The following OR5M1 variants were observed in gnomAD, a reference collection of about 807,000 sequenced individuals.
The protein encoded by OR5M1 is olfactory receptor family 5 subfamily M member 1.
For missense variants in OR5M1, 367 were observed against 379.5 expected (o/e 0.97, Z 0.27); for synonymous variants, 165 against 144.2 (o/e 1.14, Z -1.04).
At chr11:56,613,620 ATTAC>A in intron 1 of OR5M1, 101 bp from the exon 2 acceptor site, 1 of 903,964 alleles carries the variant, frequency 1.1e-6, no homozygotes, top group Non-Finnish European at 1.7e-6. Flanking sequence ...CTAGGTGACA[ATTAC>A]TTCTCTTGTT....
chr11:56,613,352 T>C lies in OR5M1; in HGVS notation c.151A>G (p.Thr51Ala), dbSNP rs1565024042. The change falls in exon 2 of 2, where the codon ACC becomes GCC. Residue 51 changes from threonine to alanine, a missense_variant. Transcript: ENST00000641076. ...ATGGGTGTTTGCAGGTGGGAATTGG[T>C]CCTGATCAGCAGGATCATGCACAGG... The part of the protein sequence containing the change: ...GNLCMILLIR[T>A]NSHLQTPMYF... 1 of 1,613,568 alleles carries C rather than the reference T, an allele frequency of 6.2e-7. No homozygotes were observed. The highest frequency in any genetic ancestry group is 8.5e-7 in the Non-Finnish European group (1 of 1,179,680).
chr11:56,612,624 C>T lies in OR5M1; in HGVS notation c.879G>A (p.Arg293=). ...PMLNPLIYSL[R]NTDVILAMQQ... ...GCATGGCAAGGATTACATCTGTGTT[C>T]CGTAGGCTATAGATCAATGGGTTCA... Residue 293 remains arginine, a synonymous_variant, in exon 2 of 2, where the codon CGG becomes CGA. Coordinates refer to ENST00000641076, the MANE Select transcript of OR5M1 (RefSeq NM_001004740.2). The T allele has an allele frequency of 6.2e-7, 1 of 1,612,800 alleles. No individual in the cohort carries two copies. Among genetic ancestry groups the T allele is most frequent in the Non-Finnish European group, 8.5e-7 (1 of 1,179,510 alleles).
At position 56,609,837 on chromosome 11, in the gene OR5M1, A is replaced by G. The variant is rs1030669221; in HGVS notation, c.*2718T>C. The G allele has an allele frequency of 4.6e-5, 7 of 151,986 alleles. No homozygotes were observed. Among genetic ancestry groups the G allele is most frequent in the East Asian group, 1.9e-4 (1 of 5,192 alleles). The allele number at this position is 151,986 out of a possible 1,614,324, so 9.4% of individuals were successfully genotyped here. On this transcript the variant is annotated 3_prime_UTR_variant, in exon 2 of 2. Transcript: ENST00000641076. ...TTGCTTCTATGTCTTATGTATGTCA[A>G]TATGGTTCAGTCAGTTTTCTACAAT...
chr11:56,613,229 T>C lies in OR5M1; in HGVS notation c.274A>G (p.Ile92Val), dbSNP rs375930445. 4 of 1,613,572 alleles carry C rather than the reference T, an allele frequency of 2.5e-6. No individual in the cohort carries two copies. The highest frequency in any genetic ancestry group is 1.3e-5 in the African/African-American group (1 of 74,906). Residue 92 changes from isoleucine to valine, a missense_variant, in exon 2 of 2, where the codon ATC becomes GTC. Coordinates refer to ENST00000641076, the MANE Select transcript of OR5M1 (RefSeq NM_001004740.2). ...LHNFLSEQKT[I>V]SYAGCFTQCL... ...TGTGTGAAGCATCCAGCGTAGGAGA[T>C]GGTCTTCTGTTCTGAGAGGAAATTG...
In OR5M1 at chr11:56,609,266, T is replaced by C. The variant is rs1185601730; in HGVS notation, c.*3289A>G. On this transcript the variant is annotated 3_prime_UTR_variant, in exon 2 of 2. Coordinates refer to ENST00000641076, the MANE Select transcript of OR5M1 (RefSeq NM_001004740.2). ...AATTTTAGGATGAGGAAAACTTACA[T>C]AACAGCAATAAGCAAAAGGTCACAT... is the stretch of plus-strand genomic sequence containing the variant. 6.6e-6 allele frequency: 1 copy of C among 151,924 alleles called. No homozygotes were observed. The highest frequency in any genetic ancestry group is 1.9e-4 in the East Asian group (1 of 5,200). 9.4% of individuals were successfully genotyped at this position (151,924 alleles called of 1,614,324 possible).
Position 56,613,162 on chromosome 11 carries a change from A to T in OR5M1, c.341T>A (p.Ile114Asn), listed in dbSNP as rs776740140. The T allele has an allele frequency of 1.9e-6, 3 of 1,613,776 alleles. No homozygotes were observed. Among genetic ancestry groups the T allele is most frequent in the Non-Finnish European group, 2.5e-6 (3 of 1,179,836 alleles). Residue 114 changes from isoleucine to asparagine, a missense_variant, in exon 2 of 2, where the codon ATC becomes AAC. Physicochemically the swap from Ile to Asn is moderately radical, Grantham distance 149. Transcript: ENST00000641076. ...FIALVITEFY[I>N]LASMALDRYV... ...GCGATCCAATGCCATTGAAGCAAGG[A>T]TGTAAAACTCAGTGATCACCAGGGC...
In OR5M1 at chr11:56,612,653, T is replaced by C. The variant is rs762559590; in HGVS notation, c.850A>G (p.Met284Val). ...AGGCTATAGATCAATGGGTTCAGCA[T>C]TGGGCTCAAAAAAGTATAAAAGACT... The part of the protein sequence containing the change: ...TAVFYTFLSP[M>V]LNPLIYSLRN... Residue 284 changes from methionine (M) to valine (V), a missense_variant, in exon 2 of 2, where the codon ATG becomes GTG. By Grantham distance (21) the Met-to-Val change is conservative. Transcript: ENST00000641076. 4 of 1,613,780 alleles carry C rather than the reference T, an allele frequency of 2.5e-6. No homozygotes were observed. The highest frequency in any genetic ancestry group is 4.5e-5 in the East Asian group (2 of 44,870).
At position 56,612,478 on chromosome 11, in the gene OR5M1, G is replaced by A. The variant is rs936148423; in HGVS notation, c.*77C>T. On this transcript the variant is annotated 3_prime_UTR_variant, in exon 2 of 2. Coordinates refer to ENST00000641076, the MANE Select transcript of OR5M1 (RefSeq NM_001004740.2). ...CAGTCCATGATGTTAAATAAATCAC[G>A]ACTACACTAGGTTTTTCCATTTCAA... The A allele has an allele frequency of 8.6e-6, 9 of 1,050,284 alleles. No homozygotes were observed. The highest frequency in any genetic ancestry group is 4.7e-5 in the Admixed American group (2 of 42,534). The allele number at this position is 1,050,284 out of a possible 1,614,324, so 65.1% of individuals were successfully genotyped here. A position where few individuals can be genotyped will look rare whatever the true frequency, so the allele number is the denominator to read the frequency against.
chr11:56,613,490 T>C lies in OR5M1; in HGVS notation c.13A>G (p.Asn5Asp). The stretch of plus-strand genomic sequence containing the variant: ...ATGAATTCTGTCACTATGGTGTGGT[T>C]TGGGGAGAACATCTTCTTATCTCTT... MFSP[N>D]HTIVTEFILL... Residue 5 changes from asparagine (N) to aspartate (D), a missense_variant, in exon 2 of 2, where the codon AAC (asparagine) becomes GAC (aspartate). Physicochemically the swap from Asn to Asp is conservative, Grantham distance 23. Coordinates refer to ENST00000641076, the MANE Select transcript of OR5M1 (RefSeq NM_001004740.2). 2 of 1,612,704 alleles carry C rather than the reference T, an allele frequency of 1.2e-6. No homozygotes were observed. Among genetic ancestry groups the C allele is most frequent in the Non-Finnish European group, 1.7e-6 (2 of 1,178,860 alleles).
Position 56,610,533 on chromosome 11 carries a change from T to A in OR5M1, c.*2022A>T, listed in dbSNP as rs573444119. 4.2e-4 allele frequency: 64 copies of A among 152,194 alleles called. No individual in the cohort carries two copies. Among genetic ancestry groups the A allele is most frequent in the African/African-American group, 1.4e-3 (59 of 41,550 alleles). The allele number at this position is 152,194 out of a possible 1,614,324, so 9.4% of individuals were successfully genotyped here. A position where few individuals can be genotyped will look rare whatever the true frequency, so the allele number is the denominator to read the frequency against. Reference sequence around the variant, plus strand: ...AGAAACCTGCTTTTGTCCTACTGAGTGGCCAAATGACTTTGGGCAAGAAAT... The same window carrying A: ...AGAAACCTGCTTTTGTCCTACTGAGAGGCCAAATGACTTTGGGCAAGAAAT... On this transcript the variant is annotated 3_prime_UTR_variant, in exon 2 of 2. Coordinates refer to ENST00000641076, the MANE Select transcript of OR5M1 (RefSeq NM_001004740.2).
In OR5M1 at chr11:56,613,022, G is replaced by A; in HGVS notation, c.481C>T (p.Leu161=). ...YGFLSGFSQS[L]LTFHLSFCGS... ...CAGAAGGATAAGTGAAAGGTTAGCAGTGACTGAGAGAACCCACTAAGAAAC... is the reference window on the plus strand; with the variant it reads ...CAGAAGGATAAGTGAAAGGTTAGCAATGACTGAGAGAACCCACTAAGAAAC... The change falls in exon 2 of 2, where the codon CTG becomes TTG. Residue 161 remains leucine, a synonymous_variant. Coordinates refer to ENST00000641076, the MANE Select transcript of OR5M1 (RefSeq NM_001004740.2). 2 of 1,613,852 alleles carry A rather than the reference G, an allele frequency of 1.2e-6. No individual in the cohort carries two copies. Among genetic ancestry groups the A allele is most frequent in the Non-Finnish European group, 1.7e-6 (2 of 1,179,834 alleles).
chr11:56,613,592 G>C (rs532664161), intron 1 of OR5M1, 73 bp from the exon 2 acceptor site: 3 of 1,188,422 alleles, frequency 2.5e-6, no homozygotes, highest in African/African-American at 3.0e-5. Flanking sequence ...TTTATCATTC[G>C]CTCATTCATC....
In OR5M1 at chr11:56,613,014, G is replaced by A. The variant is rs775689882; in HGVS notation, c.489C>T (p.Thr163=). Residue 163 remains threonine (T), a synonymous_variant, in exon 2 of 2, where the codon ACC becomes ACT. Coordinates refer to ENST00000641076, the MANE Select transcript of OR5M1 (RefSeq NM_001004740.2). The part of the protein sequence containing the change: ...FLSGFSQSLL[T]FHLSFCGSLE... ...GGGAGCCACAGAAGGATAAGTGAAA[G>A]GTTAGCAGTGACTGAGAGAACCCAC... is the stretch of plus-strand genomic sequence containing the variant. 1.9e-6 allele frequency: 3 copies of A among 1,613,756 alleles called. No individual in the cohort carries two copies. Among genetic ancestry groups the A allele is most frequent in the African/African-American group, 2.7e-5 (2 of 74,906 alleles).
In OR5M1 at chr11:56,612,775, G is replaced by A; in HGVS notation, c.728C>T (p.Ser243Phe). 5 of 1,613,674 alleles carry A rather than the reference G, an allele frequency of 3.1e-6. No homozygotes were observed. Among genetic ancestry groups the A allele is most frequent in the South Asian group, 1.1e-5 (1 of 91,070 alleles). Residue 243 changes from serine (S) to phenylalanine (F), a missense_variant, in exon 2 of 2, where the codon TCC (serine) becomes TTC (phenylalanine). Physicochemically the swap from Ser to Phe is radical, Grantham distance 155. Coordinates refer to ENST00000641076, the MANE Select transcript of OR5M1 (RefSeq NM_001004740.2). ...GRHKAFSTCA[S>F]HLTIVTLFYG... ...AAACAAAGTGACTATTGTCAGGTGG[G>A]AAGCACACGTAGAAAAGGCTTTGTG...
In OR5M1 at chr11:56,613,522, G is replaced by A; in HGVS notation, c.-17-3C>T. ...GAACATCTTCTTATCTCTTGAAACT[G>A]AAAGTGACAAAGAATGTGAGGATTT... is the stretch of plus-strand genomic sequence containing the variant. On this transcript the variant is annotated splice_polypyrimidine_tract_variant and splice_region_variant and intron_variant, in intron 1 of 1. Coordinates refer to ENST00000641076, the MANE Select transcript of OR5M1 (RefSeq NM_001004740.2). 6.3e-7 allele frequency: 1 copy of A among 1,593,458 alleles called. No homozygotes were observed. The highest frequency in any genetic ancestry group is 8.6e-7 in the Non-Finnish European group (1 of 1,163,594).
Position 56,613,368 on chromosome 11 carries a change from C to T in OR5M1, c.135G>A (p.Met45Ile). The T allele has an allele frequency of 1.2e-6, 2 of 1,613,688 alleles. No individual in the cohort carries two copies. The highest frequency in any genetic ancestry group is 2.2e-5 in the East Asian group (1 of 44,876). The change falls in exon 2 of 2, where the codon ATG becomes ATA. Residue 45 changes from methionine (M) to isoleucine (I), a missense_variant. Transcript: ENST00000641076. Reference protein sequence around the residue: ...YLITLAGNLCMILLIRTNSHL... With the variant: ...YLITLAGNLCIILLIRTNSHL... ...GGGAATTGGTCCTGATCAGCAGGATCATGCACAGGTTGCCTGCCAGTGTGA... is the reference window on the plus strand; with the variant it reads ...GGGAATTGGTCCTGATCAGCAGGATTATGCACAGGTTGCCTGCCAGTGTGA...
rs1853672037 is a variant in OR5M1, at chr11:56,611,121, A to C, written c.*1434T>G. On this transcript the variant is annotated 3_prime_UTR_variant, in exon 2 of 2. Transcript: ENST00000641076. Reference sequence around the variant, plus strand: ...GATGCTGGCCCTCAAAAAGGAAGTGAGGACTCTGTGTCACTCAATTCCCAG... The same window carrying C: ...GATGCTGGCCCTCAAAAAGGAAGTGCGGACTCTGTGTCACTCAATTCCCAG... 2 of 146,562 alleles carry C rather than the reference A, an allele frequency of 1.4e-5. No individual in the cohort carries two copies. The highest frequency in any genetic ancestry group is 4.9e-5 in the African/African-American group (2 of 41,124). The allele number at this position is 146,562 out of a possible 1,614,324, so 9.1% of individuals were successfully genotyped here.
Position 56,613,069 on chromosome 11 carries a change from A to G in OR5M1, c.434T>C (p.Val145Ala), listed in dbSNP as rs2134959381. 1 of 1,608,240 alleles carries G rather than the reference A, an allele frequency of 6.2e-7. No homozygotes were observed. Among genetic ancestry groups the G allele is most frequent in the Admixed American group, 1.7e-5 (1 of 59,494 alleles). The change falls in exon 2 of 2, where the codon GTC becomes GCC. Residue 145 changes from valine to alanine, a missense_variant. Physicochemically the swap from Val to Ala is moderately conservative, Grantham distance 64 (BLOSUM62 0). Coordinates refer to ENST00000641076, the MANE Select transcript of OR5M1 (RefSeq NM_001004740.2). Reference protein sequence around the residue: ...RMSKNICVCLVTIPYMYGFLS... With the variant: ...RMSKNICVCLATIPYMYGFLS... ...AAACCCATACATGTAAGGGATAGTG[A>G]CCAGACAGACACAGATGTTCTTGGA...
rs778756963 is a variant in OR5M1 at position 56,612,968 on chromosome 11, A to G, written c.535T>C (p.Cys179Arg). Residue 179 changes from cysteine (C) to arginine (R), a missense_variant, in exon 2 of 2, where the codon TGC becomes CGC. By Grantham distance (180) the Cys-to-Arg change is radical. Transcript: ENST00000641076. ...AGCATGATAAGAGGAGGATCAGCGC[A>G]GTAGAAATGATTGATTTCAAGGGAG... ...CGSLEINHFY[C>R]ADPPLIMLAC... 1 of 1,613,842 alleles carries G rather than the reference A, an allele frequency of 6.2e-7. No homozygotes were observed. Among genetic ancestry groups the G allele is most frequent in the East Asian group, 2.2e-5 (1 of 44,872 alleles).
Sources: gnomAD v4.1 joint callset for allele counts on GRCh38, gnomAD v4.1.1 for gene constraint, MANE v1.5 for transcripts, NCBI Gene and HGNC (gene_info 2026-07-23, HGNC 2026-07-21) for gene names.